The following RAB2A variants were observed in gnomAD, a reference collection of about 807,000 sequenced individuals.
RAB2A encodes the protein RAB2A, member RAS oncogene family.
Under a neutral mutation model 32.5 loss-of-function variants are expected in RAB2A, and 7 were observed. The ratio of observed to expected loss-of-function variants is 0.22; its 90% CI spans 0.12 to 0.40. RAB2A has a LOEUF of 0.40. Among genes scored for constraint, RAB2A ranks in the 10% least tolerant of loss-of-function variants. RAB2A has a pLI of 1.00. For missense variants in RAB2A, 108 were observed against 260.7 expected (o/e 0.41, Z 4.03); for synonymous variants, 79 against 85.2 (o/e 0.93, Z 0.40).
At chr8:60,609,112 T>C (rs1281115495) in intron 6 of RAB2A, among the ~76,000 whole-genome samples, 1 of 152,190 alleles carries the variant, frequency 6.6e-6, no homozygotes. Context: ...TAGCTTGGCA[T>C]GCAGGATGCT....
chr8:60,572,243 T>C, intron 3 of RAB2A, 130 bp downstream of exon 3: 2 of 617,884 alleles, frequency 3.2e-6, no homozygotes, highest in South Asian at 3.7e-5. Flanking sequence ...AGCCATGAGA[T>C]GAAATGTGGT....
At chr8:60,612,144 A>G (rs1000468060) in intron 6 of RAB2A, among the ~76,000 whole-genome samples, 1 of 151,858 alleles carries the variant, frequency 6.6e-6, no homozygotes, top group Non-Finnish European at 1.5e-5. Context: ...CAACCTCCCT[A>G]CAGGTCCCAG....
intron 1 of RAB2A, among the ~76,000 whole-genome samples, chr8:60,525,960 T>C (rs1016029943): frequency 8.8e-5 from 13 of 146,980 alleles, no homozygotes; most frequent in African/African-American, 2.5e-4. Flanking sequence ...TGTATATATG[T>C]ATATATATGT....
intron 1 of RAB2A, among the ~76,000 whole-genome samples, chr8:60,544,161 G>A (rs1312425937): frequency 6.8e-6 from 1 of 146,210 alleles, no homozygotes; most frequent in Non-Finnish European, 1.5e-5. Context: ...GCGTGATCTC[G>A]GCTTACTGCA....
intron 1 of RAB2A, among the ~76,000 whole-genome samples, chr8:60,521,372 T>C (rs911168785): frequency 6.6e-6 from 1 of 152,190 alleles, no homozygotes; most frequent in Non-Finnish European, 1.5e-5. Flanking sequence ...ACTTGGGAGC[T>C]AATAACATAA....
Position 60,585,956 on chromosome 8 carries a change from TG to T in RAB2A, c.362+1142del, listed in dbSNP as rs1803838783. ...AGTTAACTTCTCTCTCTGCAGTCTT[TG>T]AAAATGTGTGAGATGCAGTTAAAAT... On this transcript the variant is annotated intron_variant, in intron 5 of 7. Transcript: ENST00000262646. Among the ~76,000 whole-genome samples, 3 of 152,280 alleles carry T rather than the reference TG, an allele frequency of 2.0e-5. No individual in the cohort carries two copies. The South Asian group carries it at 6.2e-4, about 32-fold the overall frequency.
At chr8:60,618,542 G>T in intron 6 of RAB2A, 38 bp from the exon 7 acceptor site, 2 of 1,033,944 alleles carry the variant, frequency 1.9e-6, no homozygotes, top group South Asian at 1.9e-5. Context: ...TTACTGCTTT[G>T]GTTTTATATA....
rs142475855 is a variant in RAB2A at position 60,558,648 on chromosome 8, G to A, written c.47-204G>A. 5 of 603,912 alleles carry A rather than the reference G, an allele frequency of 8.3e-6. No individual in the cohort carries two copies. The East Asian group carries it at 1.5e-4, about 18-fold the overall frequency. 37.4% of individuals were successfully genotyped at this position (603,912 alleles called of 1,614,324 possible). A position where few individuals can be genotyped will look rare whatever the true frequency, so the allele number is the denominator to read the frequency against. On this transcript the variant is annotated intron_variant, in intron 1 of 7. Coordinates refer to ENST00000262646, the MANE Select transcript of RAB2A (RefSeq NM_002865.3). ...TGAAATATTAAATGTGTAAGAAAGG[G>A]TGAAAATGTACTTTAGATTGGTTTA...
chr8:60,594,895 G>A (rs1220690568), intron 6 of RAB2A, among the ~76,000 whole-genome samples: 5 of 152,128 alleles, frequency 3.3e-5, no homozygotes, highest in Non-Finnish European at 7.3e-5. Context: ...TGGACATTTG[G>A]GTTGGTTCCA....
At chr8:60,555,628 G>A (rs1472701326) in intron 1 of RAB2A, among the ~76,000 whole-genome samples, 1 of 152,142 alleles carries the variant, frequency 6.6e-6, no homozygotes, top group Non-Finnish European at 1.5e-5. Context: ...GTAATCATCA[G>A]GGAAATGCAA....
intron 6 of RAB2A, among the ~76,000 whole-genome samples, chr8:60,604,734 C>T (rs1040856355): frequency 6.6e-6 from 1 of 152,160 alleles, no homozygotes; most frequent in Non-Finnish European, 1.5e-5. Context: ...AGCGACAAAG[C>T]ATTGAAGATG....
At position 60,590,686 on chromosome 8, in the gene RAB2A, A is replaced by G. The variant is rs111375327; in HGVS notation, c.363-1172A>G. Among the ~76,000 whole-genome samples, 327 of 151,256 alleles carry G rather than the reference A, an allele frequency of 2.2e-3. 1 individual carries two copies. The highest frequency in any genetic ancestry group is 7.4e-3 in the African/African-American group (305 of 41,342). ...TTGCCTTATAGAGAATTTAAGTTGT[A>G]TTGCATTCATTCAGTAGACTGTAAT... On this transcript the variant is annotated intron_variant, in intron 5 of 7. Coordinates refer to ENST00000262646, the MANE Select transcript of RAB2A (RefSeq NM_002865.3).
At chr8:60,608,851 C>A (rs558808855) in intron 6 of RAB2A, among the ~76,000 whole-genome samples, 50 of 152,042 alleles carry the variant, frequency 3.3e-4, no homozygotes, top group Non-Finnish European at 6.3e-4. Context: ...CTATAGTGTT[C>A]TTTCTCTTAC....
chr8:60,588,800 A>G (rs1464822112), intron 5 of RAB2A, among the ~76,000 whole-genome samples: 3 of 152,224 alleles, frequency 2.0e-5, no homozygotes, highest in Non-Finnish European at 4.4e-5. Context: ...TGTCTGTTAC[A>G]CCTCAAAAAA....
chr8:60,551,123 G>A lies in RAB2A; in HGVS notation c.47-7729G>A, dbSNP rs1021473359. 4.6e-5 allele frequency among the ~76,000 whole-genome samples: 7 copies of A among 152,010 alleles called. 1 individual carries two copies. Among genetic ancestry groups the A allele is most frequent in the Non-Finnish European group, 8.8e-5 (6 of 68,022 alleles). On this transcript the variant is annotated intron_variant, in intron 1 of 7. Coordinates refer to ENST00000262646, the MANE Select transcript of RAB2A (RefSeq NM_002865.3). ...TCTTCCTCCTTCCCTCCACCCCAGC[G>A]TTTCAGGTCCTACATCCTTGCCCTG...
chr8:60,614,645 A>G (rs1037533892), intron 6 of RAB2A, among the ~76,000 whole-genome samples: 6 of 152,210 alleles, frequency 3.9e-5, no homozygotes, highest in Admixed American at 1.3e-4. Context: ...GAATTAGAAC[A>G]TATTTATAGT....
At chr8:60,544,572 T>TTA (rs769548799) in intron 1 of RAB2A, among the ~76,000 whole-genome samples, 72 of 133,904 alleles carry the variant, frequency 5.4e-4, no homozygotes, top group African/African-American at 1.7e-3. Flanking sequence ...TTTTTTTTTT[T>TTA]AAAATAGAGA....
chr8:60,589,205 A>G (rs1448537954), intron 5 of RAB2A, among the ~76,000 whole-genome samples: 5 of 152,214 alleles, frequency 3.3e-5, no homozygotes, highest in African/African-American at 1.2e-4. Flanking sequence ...GTGACAGCTT[A>G]CTGGTGGCTT....
At chr8:60,598,840 G>A (rs1312059959) in intron 6 of RAB2A, among the ~76,000 whole-genome samples, 1 of 146,128 alleles carries the variant, frequency 6.8e-6, no homozygotes, top group African/African-American at 2.5e-5. Context: ...AGGGCAAAAG[G>A]TCGAAGGCCT....
Sources: allele counts gnomAD v4.1 joint callset (sites outside exome capture counted in the v4.1 genomes callset), GRCh38; gene constraint gnomAD v4.1.1; transcripts MANE v1.5; gene names NCBI Gene and HGNC (gene_info 2026-07-23, HGNC 2026-07-21).